The following RAD23B variants were observed in gnomAD, a reference collection of about 807,000 sequenced individuals.
The protein encoded by RAD23B is RAD23 nucleotide excision repair protein B.
Under a neutral mutation model 49.1 loss-of-function variants are expected in RAD23B, and 5 were observed. That is an observed-to-expected ratio of 0.10 (90% CI 0.05 to 0.21). RAD23B has a LOEUF of 0.21. Among genes scored for constraint, RAD23B ranks in the 10% least tolerant of loss-of-function variants. The pLI is 1.00. For missense variants in RAD23B, 356 were observed against 486.7 expected, an observed-to-expected ratio of 0.73 and a Z score of 2.53; for synonymous variants, 184 against 165.4, an observed-to-expected ratio of 1.11 and a Z score of -0.86.
intron 4 of RAD23B, among the ~76,000 whole-genome samples, chr9:107,310,069 A>AAG (rs1826863027): frequency 6.6e-6 from 1 of 152,202 alleles, no homozygotes; most frequent in Non-Finnish European, 1.5e-5. Context: ...AAGATTGGTC[A>AAG]GCGAAATCAA....
intron 7 of RAD23B, among the ~76,000 whole-genome samples, chr9:107,323,584 C>A (rs1054054985): frequency 6.6e-6 from 1 of 152,146 alleles, no homozygotes; most frequent in Non-Finnish European, 1.5e-5. Flanking sequence ...ATAGAACACA[C>A]ACAGGAGACA....
chr9:107,331,026 ATAAG>A lies in RAD23B; in HGVS notation c.*1371_*1374del, dbSNP rs1486084730. The stretch of plus-strand genomic sequence containing the variant: ...TTCAAATCTGTTTTCCTGAGTATAA[ATAAG>A]AGTATTTAAAGAAATAATTTGGATT... On this transcript the variant is annotated 3_prime_UTR_variant, in exon 10 of 10. Coordinates refer to ENST00000358015, the MANE Select transcript of RAD23B (RefSeq NM_002874.5). 2.6e-5 allele frequency: 4 copies of A among 152,358 alleles called. No individual in the cohort carries two copies. Among genetic ancestry groups the A allele is most frequent in the Admixed American group, 6.6e-5 (1 of 15,240 alleles). The allele number at this position is 152,358 out of a possible 1,614,324, so 9.4% of individuals were successfully genotyped here. A position where few individuals can be genotyped will look rare whatever the true frequency, so the allele number is the denominator to read the frequency against.
chr9:107,322,354 G>C (rs1827127557), intron 7 of RAD23B, among the ~76,000 whole-genome samples: 1 of 152,204 alleles, frequency 6.6e-6, no homozygotes, highest in Non-Finnish European at 1.5e-5. Flanking sequence ...GGCATATTCT[G>C]TTTTATTTGT....
At chr9:107,297,464 C>T (rs926024772) in intron 1 of RAD23B, among the ~76,000 whole-genome samples, 4 of 152,022 alleles carry the variant, frequency 2.6e-5, no homozygotes, top group African/African-American at 4.8e-5. Flanking sequence ...CCTCAGCCTC[C>T]GAAGTAGCTG....
At chr9:107,297,579 TC>T (rs1826553969) in intron 1 of RAD23B, among the ~76,000 whole-genome samples, 1 of 152,194 alleles carries the variant, frequency 6.6e-6, no homozygotes, top group Non-Finnish European at 1.5e-5. Flanking sequence ...CCTTAGGTGA[TC>T]CGTCTGCCTT....
chr9:107,330,413 TTCA>T lies in RAD23B; in HGVS notation c.*759_*761del, dbSNP rs765640027. 22 of 152,654 alleles carry T rather than the reference TTCA, an allele frequency of 1.4e-4. No individual in the cohort carries two copies. Among genetic ancestry groups the T allele is most frequent in the Non-Finnish European group, 2.8e-4 (19 of 68,046 alleles). 9.5% of individuals were successfully genotyped at this position (152,654 alleles called of 1,614,324 possible). On this transcript the variant is annotated 3_prime_UTR_variant, in exon 10 of 10. Coordinates refer to ENST00000358015, the MANE Select transcript of RAD23B (RefSeq NM_002874.5). This position sits in a 1 kb window ranked among gnomAD's most constrained non-coding sequence, Gnocchi z 4.4. ...TGGTAGGTGTCTAATTACTGTTTAC[TTCA>T]TTGTTATATTGCAGTAAAAGTTTTA...
intron 1 of RAD23B, among the ~76,000 whole-genome samples, chr9:107,285,435 T>G (rs112319866): frequency 0.016 from 2,394 of 152,278 alleles, 68 homozygotes; most frequent in African/African-American, 0.054. Context: ...TAAAGAAATA[T>G]TGTGGCTTTT....
At chr9:107,302,194 C>T in intron 3 of RAD23B, 80 bp downstream of exon 3, 1 of 1,591,650 alleles carries the variant, frequency 6.3e-7, no homozygotes, top group Non-Finnish European at 8.5e-7. Flanking sequence ...ACACAATGGA[C>T]ACAGTTTATA....
At chr9:107,307,377 C>G (rs969797705) in intron 4 of RAD23B, among the ~76,000 whole-genome samples, 1 of 152,190 alleles carries the variant, frequency 6.6e-6, no homozygotes, top group African/African-American at 2.4e-5. Context: ...CCCAGACGAT[C>G]AGGTAAAATG....
intron 8 of RAD23B, 66 bp from the exon 9 acceptor site, chr9:107,324,768 T>C: frequency 2.8e-6 from 4 of 1,414,706 alleles, no homozygotes; most frequent in Non-Finnish European, 3.8e-6. Flanking sequence ...ATATTTAGAA[T>C]TTCTCTGTTC....
intron 1 of RAD23B, chr9:107,284,869 A>T (rs148568688): frequency 8.0e-7 from 1 of 1,246,940 alleles, no homozygotes; most frequent in Admixed American, 2.3e-5. Flanking sequence ...CATTCTCTGT[A>T]TAATAGGGAT....
rs904718260 is a variant in RAD23B at position 107,318,222 on chromosome 9, C to T, written c.554-530C>T. On this transcript the variant is annotated intron_variant, in intron 5 of 9. Transcript: ENST00000358015. This position sits in a 1 kb window ranked among gnomAD's most constrained non-coding sequence, Gnocchi z 4.3. ...GGTTAGAAGTGTGACACAGGGCTCA[C>T]TGTACTAAAATCAGGGAGCCGGCAT... is the stretch of plus-strand genomic sequence containing the variant. 7.9e-5 allele frequency among the ~76,000 whole-genome samples: 12 copies of T among 152,204 alleles called. No individual in the cohort carries two copies. The highest frequency in any genetic ancestry group is 2.7e-4 in the African/African-American group (11 of 41,452).
At chr9:107,305,833 G>A (rs2133078990) in intron 3 of RAD23B, among the ~76,000 whole-genome samples, 1 of 151,826 alleles carries the variant, frequency 6.6e-6, no homozygotes, top group East Asian at 1.9e-4. Context: ...TTTTGGGCTG[G>A]ATGTAGTAGT....
intron 3 of RAD23B, among the ~76,000 whole-genome samples, chr9:107,304,911 A>G (rs1276293543): frequency 6.6e-6 from 1 of 152,218 alleles, no homozygotes; most frequent in Non-Finnish European, 1.5e-5. Flanking sequence ...CAGAAGCCTT[A>G]CTGATAACGT....
rs1827282099 is a variant in RAD23B, at chr9:107,330,165, A to C, written c.*509A>C. ...ATGGTTAATTGTTGCTGCTTCAAAAATAAGTATAAAATTAATATGTAAGGA... is the reference window on the plus strand; with the variant it reads ...ATGGTTAATTGTTGCTGCTTCAAAACTAAGTATAAAATTAATATGTAAGGA... On this transcript the variant is annotated 3_prime_UTR_variant, in exon 10 of 10. Coordinates refer to ENST00000358015, the MANE Select transcript of RAD23B (RefSeq NM_002874.5). The surrounding 1 kb of genome is among the most constrained non-coding windows in gnomAD (Gnocchi z 4.4). The C allele has an allele frequency of 6.5e-6, 1 of 152,676 alleles. No homozygotes were observed. The highest frequency in any genetic ancestry group is 1.5e-5 in the Non-Finnish European group (1 of 68,042). The allele number at this position is 152,676 out of a possible 1,614,324, so 9.5% of individuals were successfully genotyped here.
rs1326167838 is a variant in RAD23B, at chr9:107,311,754, C to T, written c.553+17C>T. On this transcript the variant is annotated intron_variant, in intron 5 of 9. Coordinates refer to ENST00000358015, the MANE Select transcript of RAD23B (RefSeq NM_002874.5). ...GTGCACTTGGTAAGTATCTGCTTTT[C>T]CTTATAAATAACCTATAAAGAGATA... The T allele has an allele frequency of 4.5e-6, 7 of 1,549,698 alleles. No individual in the cohort carries two copies. The highest frequency in any genetic ancestry group is 6.1e-6 in the Non-Finnish European group (7 of 1,152,844).
Position 107,324,023 on chromosome 9 carries a change from T to C in RAD23B, c.945+6T>C. On this transcript the variant is annotated splice_donor_region_variant and intron_variant, in intron 8 of 9. Coordinates refer to ENST00000358015, the MANE Select transcript of RAD23B (RefSeq NM_002874.5). ...AGAATCCTCAATTACTTCAGGTGAC[T>C]AATCAGTGTCAGTTTCACAAGTGAT... The C allele has an allele frequency of 6.2e-7, 1 of 1,612,954 alleles. No individual in the cohort carries two copies. The highest frequency in any genetic ancestry group is 8.5e-7 in the Non-Finnish European group (1 of 1,179,116).
At chr9:107,294,319 AG>A (rs1430505899) in intron 1 of RAD23B, among the ~76,000 whole-genome samples, 6 of 152,206 alleles carry the variant, frequency 3.9e-5, no homozygotes, top group African/African-American at 1.4e-4. Flanking sequence ...CTTTGTCTCT[AG>A]TGGAATTGAT....
At chr9:107,287,566 A>T (rs76181849) in intron 1 of RAD23B, among the ~76,000 whole-genome samples, 2 of 152,168 alleles carry the variant, frequency 1.3e-5, no homozygotes, top group African/African-American at 4.8e-5. Flanking sequence ...TGTGATTGTT[A>T]TAAAATACTG....
Sources: gnomAD v4.1 joint callset for allele counts (sites outside exome capture counted in the v4.1 genomes callset) on GRCh38, gnomAD v4.1.1 for gene constraint, Gnocchi (gnomAD v3.1) non-coding constraint, MANE v1.5 for transcripts, NCBI Gene and HGNC (gene_info 2026-07-23, HGNC 2026-07-21) for gene names.